PPHLN1: variants seen among roughly 807,000 people sequenced by gnomAD.
PPHLN1 encodes periphilin 1, also known as periphilin-1.
A neutral mutation model predicts 51.3 loss-of-function variants in PPHLN1; 29 were observed. That is an observed-to-expected ratio of 0.57 (90% CI 0.42 to 0.77). The LOEUF (loss-of-function observed/expected upper bound fraction) is 0.77, where lower values mean the gene tolerates loss of function less well. Among genes scored for constraint, PPHLN1 ranks in the 30% least tolerant of loss-of-function variants. PPHLN1 has a pLI of 0.00. For synonymous variants in PPHLN1, 147 were observed against 147.8 expected (o/e 0.99, Z 0.04); for missense variants, 436 against 438.4 (o/e 0.99, Z 0.05).
At chr12:42,436,711 T>A (rs1004325632) in intron 9 of PPHLN1, among the ~76,000 whole-genome samples, 7 of 152,066 alleles carry the variant, frequency 4.6e-5, no homozygotes, top group Non-Finnish European at 7.4e-5. Flanking sequence ...ATCCGACAAC[T>A]GAGAGGGCTA....
intron 9 of PPHLN1, among the ~76,000 whole-genome samples, chr12:42,422,494 T>A (rs1796359): frequency 0.3 from 45,913 of 152,114 alleles, 7,873 homozygotes; most frequent in Non-Finnish European, 0.38. Context: ...CTGACTCTTA[T>A]CTGAACCAAT....
chr12:42,335,855 A>T, intron 1 of PPHLN1, 28 bp from the exon 2 acceptor site: 2 of 1,376,232 alleles, frequency 1.5e-6, no homozygotes, highest in South Asian at 3.0e-5. Flanking sequence ...CCTAGTATAA[A>T]ATCCATAATT....
chr12:42,395,500 A>G (rs2078119676), intron 8 of PPHLN1, among the ~76,000 whole-genome samples: 1 of 152,152 alleles, frequency 6.6e-6, no homozygotes, highest in African/African-American at 2.4e-5. Flanking sequence ...TCTCTTATTA[A>G]TACTTTAGCT....
intron 9 of PPHLN1, among the ~76,000 whole-genome samples, chr12:42,402,082 C>T (rs902005704): frequency 6.6e-6 from 1 of 151,012 alleles, no homozygotes; most frequent in East Asian, 2.0e-4. Context: ...TGGTCGCCAA[C>T]TTCTGGGCTC....
chr12:42,399,045 C>T (rs1397655091), intron 9 of PPHLN1, 51 bp downstream of exon 9: 2 of 1,592,950 alleles, frequency 1.3e-6, no homozygotes, highest in African/African-American at 1.3e-5. Context: ...TGTTGCTTTG[C>T]ACATGTAAAC....
chr12:42,385,044 A>G (rs1286665900), intron 6 of PPHLN1, 48 bp downstream of exon 6: 3 of 1,514,630 alleles, frequency 2.0e-6, no homozygotes, highest in Non-Finnish European at 1.8e-6. Context: ...GGGGTGGGAG[A>G]CTTGAACTGA....
intron 4 of PPHLN1, among the ~76,000 whole-genome samples, chr12:42,363,103 A>G (rs529891914): frequency 1.4e-4 from 22 of 152,246 alleles, no homozygotes; most frequent in African/African-American, 4.8e-4. Flanking sequence ...TTGTGTTGCT[A>G]TGCTATGAGT....
At chr12:42,370,915 C>T (rs748197594) in intron 4 of PPHLN1, among the ~76,000 whole-genome samples, 65 of 152,068 alleles carry the variant, frequency 4.3e-4, no homozygotes, top group Non-Finnish European at 8.8e-4. Flanking sequence ...AAGCAATTCT[C>T]CTGACTTAGC....
At chr12:42,446,235 C>T (rs374310117), downstream of PPHLN1, 135 of 1,612,092 alleles carry the variant, frequency 8.4e-5, no homozygotes, top group Middle Eastern at 1.6e-4. Context: ...ACACCATTCA[C>T]TCCAGAAAAT....
intron 9 of PPHLN1, chr12:42,431,565 C>T (rs139618481): frequency 9.0e-5 from 54 of 602,216 alleles, no homozygotes; most frequent in Middle Eastern, 4.7e-4. Context: ...ACTGAAAGTG[C>T]GATGCAAAGA....
downstream of PPHLN1, chr12:42,445,989 A>G: frequency 6.6e-7 from 1 of 1,516,136 alleles, no homozygotes; most frequent in East Asian, 2.5e-5. Flanking sequence ...TTTGGATTCC[A>G]GCACGACGCA....
intron 4 of PPHLN1, among the ~76,000 whole-genome samples, chr12:42,370,504 A>G (rs1182695382): frequency 1.3e-5 from 2 of 151,920 alleles, no homozygotes; most frequent in African/African-American, 4.8e-5. Context: ...TATTCTTTTC[A>G]TATTCTTCTC....
At chr12:42,407,639 T>C (rs1471380812) in intron 9 of PPHLN1, among the ~76,000 whole-genome samples, 3 of 152,216 alleles carry the variant, frequency 2.0e-5, no homozygotes, top group East Asian at 3.8e-4. Flanking sequence ...ACCTCAGAGA[T>C]ACCAAAATCC....
chr12:42,435,251 C>T (rs148551369), intron 9 of PPHLN1, among the ~76,000 whole-genome samples: 2 of 152,214 alleles, frequency 1.3e-5, no homozygotes, highest in African/African-American at 4.8e-5. Context: ...ATTGCTGAGG[C>T]TTTTTAGCAT....
At chr12:42,327,992 G>T (rs77374366) in intron 1 of PPHLN1, among the ~76,000 whole-genome samples, 2 of 151,502 alleles carry the variant, frequency 1.3e-5, no homozygotes. Flanking sequence ...TCCTCTCCCA[G>T]TTTTTAAATG....
chr12:42,374,827 T>C, intron 4 of PPHLN1, 36 bp from the exon 5 acceptor site: 1 of 1,490,788 alleles, frequency 6.7e-7, no homozygotes, highest in Non-Finnish European at 9.2e-7. Context: ...GGATAGAGTA[T>C]AATTAACTTA....
intron 2 of PPHLN1, among the ~76,000 whole-genome samples, chr12:42,336,417 A>G (rs577153478): frequency 1.3e-5 from 2 of 152,314 alleles, no homozygotes; most frequent in Admixed American, 1.3e-4. Flanking sequence ...TAGAGTGGAA[A>G]CATGTTAATA....
intron 9 of PPHLN1, among the ~76,000 whole-genome samples, chr12:42,411,857 T>A (rs1443836196): frequency 8.0e-6 from 1 of 125,604 alleles, no homozygotes; most frequent in Non-Finnish European, 1.6e-5. Context: ...TGTGTGGAGA[T>A]CGTGCCCTTG....
chr12:42,418,104 T>A (rs2080607748), intron 9 of PPHLN1, among the ~76,000 whole-genome samples: 1 of 151,068 alleles, frequency 6.6e-6, no homozygotes, highest in Non-Finnish European at 1.5e-5. Flanking sequence ...CAAGCCCAGC[T>A]AATTTTTTGT....
Sources: allele counts gnomAD v4.1 joint callset (sites outside exome capture counted in the v4.1 genomes callset), GRCh38; gene constraint gnomAD v4.1.1; transcripts MANE v1.5; gene names NCBI Gene and HGNC (gene_info 2026-07-23, HGNC 2026-07-21).